Variants in RYR2 observed in about 807,000 individuals in gnomAD.
RYR2 encodes the protein ryanodine receptor 2.
RYR2 carries 227 observed loss-of-function variants against 601.1 expected under a neutral mutation model. That is an observed-to-expected ratio of 0.38 (90% CI 0.34 to 0.42). The LOEUF is 0.42. Among genes scored for constraint, RYR2 ranks in the 10% least tolerant of loss-of-function variants. The probability of loss-of-function intolerance (pLI) is 1.00; values close to 1 mark genes in which losing one functional copy is unlikely to be tolerated. For missense variants in RYR2, 4,646 were observed against 6,156.5 expected, an observed-to-expected ratio of 0.75 and a Z score of 8.21; for synonymous variants, 2,223 against 2,175.1, an observed-to-expected ratio of 1.02 and a Z score of -0.61.
At position 237,267,397 on chromosome 1, in the gene RYR2, A is replaced by G. The variant is rs894762480; in HGVS notation, c.49-3100A>G. 1.4e-4 allele frequency among the ~76,000 whole-genome samples: 22 copies of G among 152,082 alleles called. 1 individual carries two copies. Among genetic ancestry groups the G allele is most frequent in the Admixed American group, 1.4e-3 (22 of 15,268 alleles). Reference sequence around the variant, plus strand: ...GAGCAGGGCATGGTAGCGCTTGCCTATAGTCCCAGCTACTTGAGAAGCTGA... The same window carrying G: ...GAGCAGGGCATGGTAGCGCTTGCCTGTAGTCCCAGCTACTTGAGAAGCTGA... On this transcript the variant is annotated intron_variant, in intron 1 of 104. Coordinates refer to ENST00000366574, the MANE Select transcript of RYR2 (RefSeq NM_001035.3).
At chr1:237,815,240 A>G (rs1661690539) in intron 100 of RYR2, among the ~76,000 whole-genome samples, 2 of 152,022 alleles carry the variant, frequency 1.3e-5, no homozygotes, top group African/African-American at 4.8e-5. Context: ...ACTTCTTTCC[A>G]CCTCCAGCTC....
chr1:237,342,089 C>T (rs930828185), intron 3 of RYR2, among the ~76,000 whole-genome samples: 1 of 151,944 alleles, frequency 6.6e-6, no homozygotes, highest in Non-Finnish European at 1.5e-5. Context: ...CATACAAAAT[C>T]TTGTATTTCA....
intron 11 of RYR2, among the ~76,000 whole-genome samples, chr1:237,417,711 T>C (rs2150032164): frequency 6.6e-6 from 1 of 152,244 alleles, no homozygotes; most frequent in South Asian, 2.1e-4. Flanking sequence ...GAAACATAAA[T>C]GTATAAAGTA....
chr1:237,502,614 T>G (rs1019293300), intron 21 of RYR2, among the ~76,000 whole-genome samples: 3 of 152,052 alleles, frequency 2.0e-5, no homozygotes, highest in Admixed American at 6.6e-5. Context: ...GGGTTCGCAC[T>G]CCTATGAAAA....
chr1:237,199,157 G>C (rs1680898770), intron 1 of RYR2, among the ~76,000 whole-genome samples: 1 of 152,200 alleles, frequency 6.6e-6, no homozygotes, highest in Non-Finnish European at 1.5e-5. Flanking sequence ...GCGACATTCT[G>C]TATTAGTCAG....
At chr1:237,255,786 C>T (rs1477345866) in intron 1 of RYR2, among the ~76,000 whole-genome samples, 1 of 151,664 alleles carries the variant, frequency 6.6e-6, no homozygotes, top group Non-Finnish European at 1.5e-5. Context: ...AGGATTGTAT[C>T]TGCATCCACA....
chr1:237,345,756 A>G (rs777627377), intron 3 of RYR2, among the ~76,000 whole-genome samples: 3 of 111,310 alleles, frequency 2.7e-5, no homozygotes, highest in Non-Finnish European at 4.1e-5. Flanking sequence ...AACAAAGTCT[A>G]TCTATTATTA....
At chr1:237,118,306 C>T (rs535287972) in intron 1 of RYR2, among the ~76,000 whole-genome samples, 3 of 151,886 alleles carry the variant, frequency 2.0e-5, no homozygotes, top group South Asian at 2.1e-4. Context: ...ACAGAAAGTC[C>T]TTTTCTGTAT....
intron 102 of RYR2, among the ~76,000 whole-genome samples, chr1:237,829,019 A>G (rs1663475488): frequency 6.6e-6 from 1 of 152,056 alleles, no homozygotes; most frequent in African/African-American, 2.4e-5. Flanking sequence ...ATATACCAAG[A>G]CTGATTTTAG....
At chr1:237,192,831 CTCATCAATATG>C (rs1212025906) in intron 1 of RYR2, among the ~76,000 whole-genome samples, 4 of 152,048 alleles carry the variant, frequency 2.6e-5, no homozygotes, top group Non-Finnish European at 5.9e-5. Context: ...GCAGTAAATA[CTCATCAATATG>C]TATGATCTGT....
Position 237,466,509 on chromosome 1 carries a change from T to A in RYR2, c.1613-2583T>A, listed in dbSNP as rs138949659. ...TTTTGTCCTTTTTTCCTTTTCTTTTTGATTAAAGTAGTAGTTGGTAGTTAG... is the reference window on the plus strand; with the variant it reads ...TTTTGTCCTTTTTTCCTTTTCTTTTAGATTAAAGTAGTAGTTGGTAGTTAG... On this transcript the variant is annotated intron_variant, in intron 16 of 104. Transcript: ENST00000366574. Among the ~76,000 whole-genome samples, 505 of 152,242 alleles carry A rather than the reference T, an allele frequency of 3.3e-3. 8 individuals carry two copies. The highest frequency in any genetic ancestry group is 0.026 in the Admixed American group (399 of 15,276).
chr1:237,357,234 C>T (rs1051274295), intron 4 of RYR2, among the ~76,000 whole-genome samples: 1 of 152,028 alleles, frequency 6.6e-6, no homozygotes, highest in Admixed American at 6.6e-5. Flanking sequence ...TTGAAATTTC[C>T]TACCTTCCTC....
rs200958912 is a variant in RYR2 at position 237,512,475 on chromosome 1, GGTA to G, written c.2822+685_2822+687del. Reference sequence around the variant, plus strand: ...GAACTTTGGGGTGAAGTCTGTTTATGGTATTTCCTAAACTGATTTCACCATAGC... The same window carrying G: ...GAACTTTGGGGTGAAGTCTGTTTATGTTTCCTAAACTGATTTCACCATAGC... On this transcript the variant is annotated intron_variant, in intron 24 of 104. Transcript: ENST00000366574. Among the ~76,000 whole-genome samples, 91 of 152,256 alleles carry G rather than the reference GGTA, an allele frequency of 6.0e-4. No individual in the cohort carries two copies. In the East Asian group the frequency reaches 0.016, roughly 27 times the overall value.
At chr1:237,492,851 GGAAGGAAGGAAGGAAGGAAGA>G in intron 18 of RYR2, 82 bp from the exon 19 acceptor site, 2 of 1,203,778 alleles carry the variant, frequency 1.7e-6, no homozygotes, top group Non-Finnish European at 2.2e-6. Flanking sequence ...AAGGAAGGAA[GGAAGGAAGGAAGGAAGGAAGA>G]AGGGAAGGAA....
intron 12 of RYR2, among the ~76,000 whole-genome samples, chr1:237,438,500 T>G (rs1572333193): frequency 6.6e-6 from 1 of 152,238 alleles, no homozygotes; most frequent in Non-Finnish European, 1.5e-5. Flanking sequence ...GTTTTCTCTC[T>G]TTTACATGAG....
At chr1:237,753,879 A>G (rs1241224719) in intron 80 of RYR2, among the ~76,000 whole-genome samples, 1 of 151,374 alleles carries the variant, frequency 6.6e-6, no homozygotes, top group Non-Finnish European at 1.5e-5. Context: ...TTTTTACATA[A>G]TTCATCTTAG....
chr1:237,052,227 C>T (rs1028544438), intron 1 of RYR2, among the ~76,000 whole-genome samples: 29 of 152,036 alleles, frequency 1.9e-4, no homozygotes, highest in African/African-American at 6.8e-4. Context: ...ACAGTGAAAC[C>T]TTATATGCAT....
At chr1:237,394,167 C>A (rs1702623976) in intron 10 of RYR2, among the ~76,000 whole-genome samples, 1 of 152,150 alleles carries the variant, frequency 6.6e-6, no homozygotes. Flanking sequence ...GAAAGAGAAG[C>A]ATCTTCTTTT....
At chr1:237,424,962 T>G (rs988833644) in intron 12 of RYR2, among the ~76,000 whole-genome samples, 2 of 152,226 alleles carry the variant, frequency 1.3e-5, no homozygotes, top group Non-Finnish European at 2.9e-5. Flanking sequence ...ACATTAATTT[T>G]GCTAATTATG....
Sources: allele counts gnomAD v4.1 joint callset (sites outside exome capture counted in the v4.1 genomes callset), GRCh38; gene constraint gnomAD v4.1.1; transcripts MANE v1.5; gene names NCBI Gene and HGNC (gene_info 2026-07-23, HGNC 2026-07-21).